HOXA9: variants seen among roughly 807,000 people sequenced by gnomAD.
The protein encoded by HOXA9 is homeobox protein Hox-A9.
A neutral mutation model predicts 19.0 loss-of-function variants in HOXA9; 18 were observed. That is an observed-to-expected ratio of 0.95 (90% CI 0.65 to 1.40). HOXA9 has a LOEUF of 1.40. Ranked by LOEUF, HOXA9 falls within the 40% of genes most tolerant of loss-of-function variation. HOXA9 has a pLI of 0.00. For missense variants in HOXA9, 443 were observed against 372.2 expected, an observed-to-expected ratio of 1.19 and a Z score of -1.57; for synonymous variants, 198 against 161.1, an observed-to-expected ratio of 1.23 and a Z score of -1.73.
chr7:27,164,849 CG>C (rs1306119890), intron 1 of HOXA9, 28 bp downstream of exon 1: 4 of 1,591,712 alleles, frequency 2.5e-6, no homozygotes, highest in Non-Finnish European at 3.4e-6. Flanking sequence ...GTGGAGGCGG[CG>C]GCGGATTTGA....
At position 27,165,336 on chromosome 7, in the gene HOXA9, T is replaced by G; in HGVS notation, c.122A>C (p.Gln41Pro). 6.3e-7 allele frequency: 1 copy of G among 1,583,592 alleles called. No homozygotes were observed. Among genetic ancestry groups the G allele is most frequent in the Non-Finnish European group, 8.6e-7 (1 of 1,166,670 alleles). Residue 41 changes from glutamine (Q) to proline (P), a missense_variant, in exon 1 of 2, where the codon CAG becomes CCG. Transcript: ENST00000343483. ...APGTLGQPPR[Q>P]AATLAEHPDF... ...GGGGTGCTCGGCCAGCGTCGCCGCC[T>G]GCCGGGGAGGCTGGCCCAGGGTCCC...
At position 27,165,467 on chromosome 7, in the gene HOXA9, C is replaced by T. The variant is rs914278933; in HGVS notation, c.-10G>A. On this transcript the variant is annotated 5_prime_UTR_variant, in exon 1 of 2. Coordinates refer to ENST00000343483, the MANE Select transcript of HOXA9 (RefSeq NM_152739.4). Reference sequence around the variant, plus strand: ...CCCCAGTGGTGGCCATCACCGTGCCCAGCGCCTGGCCCGCCCGGCCCGACC... The same window carrying T: ...CCCCAGTGGTGGCCATCACCGTGCCTAGCGCCTGGCCCGCCCGGCCCGACC... 15 of 1,579,402 alleles carry T rather than the reference C, an allele frequency of 9.5e-6. No individual in the cohort carries two copies. Among genetic ancestry groups the T allele is most frequent in the African/African-American group, 1.4e-5 (1 of 72,492 alleles).
Position 27,165,167 on chromosome 7 carries a change from G to C in HOXA9, c.291C>G (p.Pro97=), listed in dbSNP as rs750729932. 1.3e-6 allele frequency: 2 copies of C among 1,596,178 alleles called. No individual in the cohort carries two copies. The highest frequency in any genetic ancestry group is 2.2e-5 in the East Asian group (1 of 44,556). Residue 97 remains proline, a synonymous_variant, in exon 1 of 2, where the codon CCC becomes CCG. Transcript: ENST00000343483. ...TGCCGTCCGGCGCCGCCGCCGCCAC[G>C]GGCGCCTGGGGGTGCACGTAGGGGT... ...HHHPYVHPQA[P]VAAAAPDGRY...
chr7:27,163,066 C>T lies in HOXA9; in HGVS notation c.*537G>A. On this transcript the variant is annotated 3_prime_UTR_variant, in exon 2 of 2. Transcript: ENST00000343483. ...AAACAACCTGAGTTCAAATTGAATT[C>T]TATCTTCCACAATCACAATGGGTGC... 4.7e-6 allele frequency: 1 copy of T among 211,592 alleles called. No individual in the cohort carries two copies. The highest frequency in any genetic ancestry group is 9.6e-6 in the Non-Finnish European group (1 of 104,344). 13.1% of individuals were successfully genotyped at this position (211,592 alleles called of 1,614,324 possible). A position where few individuals can be genotyped will look rare whatever the true frequency, so the allele number is the denominator to read the frequency against.
intron 1 of HOXA9, 86 bp downstream of exon 1, chr7:27,164,792 G>A (rs957800089): frequency 3.9e-6 from 6 of 1,547,802 alleles, no homozygotes; most frequent in Middle Eastern, 2.2e-4. Context: ...GAGGACGAAG[G>A]CAGGCTCGAG....
In HOXA9 at chr7:27,163,508, G is replaced by T. The variant is rs1429444080; in HGVS notation, c.*95C>A. 2.0e-6 allele frequency: 2 copies of T among 983,336 alleles called. No individual in the cohort carries two copies. Among genetic ancestry groups the T allele is most frequent in the African/African-American group, 1.6e-5 (1 of 61,508 alleles). 60.9% of individuals were successfully genotyped at this position (983,336 alleles called of 1,614,324 possible). ...TTGTGCGGGGATGGTGGAGGCTAGG[G>T]TGGGGGTGAGAGAAGGGAGAAGGCG... is the stretch of plus-strand genomic sequence containing the variant. On this transcript the variant is annotated 3_prime_UTR_variant, in exon 2 of 2. Transcript: ENST00000343483.
Position 27,165,390 on chromosome 7 carries a change from T to C in HOXA9, c.68A>G (p.Asp23Gly), listed in dbSNP as rs767898055. The C allele has an allele frequency of 1.2e-6, 2 of 1,608,126 alleles. No homozygotes were observed. The highest frequency in any genetic ancestry group is 3.3e-5 in the Admixed American group (2 of 59,754). ...CGCATAGCGGCCAACGCTCAGCTCA[T>C]CCGCGGCGTCGGCGCCCAGCAGGAA... ...DSFLLGADAA[D>G]ELSVGRYAPG... is the part of the protein sequence containing the mutation. The change falls in exon 1 of 2, where the codon GAT becomes GGT. Residue 23 changes from aspartate (D) to glycine (G), a missense_variant. Asp to Gly is a moderately conservative substitution (Grantham distance 94, BLOSUM62 -1). Coordinates refer to ENST00000343483, the MANE Select transcript of HOXA9 (RefSeq NM_152739.4).
chr7:27,165,136 TG>T lies in HOXA9; in HGVS notation c.321del (p.Tyr107Ter). On this transcript the variant is annotated frameshift_variant, in exon 1 of 2. Transcript: ENST00000343483. LOFTEE classifies it high-confidence loss of function. ...PVAAAAPDGR[Y>X]MRSWLEPTPG... is the part of the protein sequence containing the mutation. Reference sequence around the variant, plus strand: ...GGCGTGGGCTCCAGCCAGGAGCGCATGTACCTGCCGTCCGGCGCCGCCGCCG... The same window carrying T: ...GGCGTGGGCTCCAGCCAGGAGCGCATTACCTGCCGTCCGGCGCCGCCGCCG... 6.2e-7 allele frequency: 1 copy of T among 1,604,036 alleles called. No homozygotes were observed. Among genetic ancestry groups the T allele is most frequent in the Non-Finnish European group, 8.5e-7 (1 of 1,174,950 alleles).
At chr7:27,164,382 G>T (rs995035440) in intron 1 of HOXA9, among the ~76,000 whole-genome samples, 2 of 152,220 alleles carry the variant, frequency 1.3e-5, no homozygotes, top group Non-Finnish European at 2.9e-5. Flanking sequence ...GGACCCTTGT[G>T]GCCCGGGTCG....
Position 27,165,371 on chromosome 7 carries a change from G to T in HOXA9, c.87C>A (p.Arg29=). The change falls in exon 1 of 2, where the codon CGC becomes CGA. Residue 29 remains arginine, a synonymous_variant. Transcript: ENST00000343483. ...GCTGGCCCAGGGTCCCCGGCGCATAGCGGCCAACGCTCAGCTCATCCGCGG... is the reference window on the plus strand; with the variant it reads ...GCTGGCCCAGGGTCCCCGGCGCATATCGGCCAACGCTCAGCTCATCCGCGG... The part of the protein sequence containing the change: ...ADAADELSVG[R]YAPGTLGQPP... The T allele has an allele frequency of 6.2e-7, 1 of 1,603,642 alleles. No individual in the cohort carries two copies.
In HOXA9 at chr7:27,162,825, A is replaced by C. The variant is rs1562503924; in HGVS notation, c.*778T>G. The C allele has an allele frequency of 5.0e-6, 1 of 200,820 alleles. No individual in the cohort carries two copies. The highest frequency in any genetic ancestry group is 1.0e-5 in the Non-Finnish European group (1 of 97,476). 12.4% of individuals were successfully genotyped at this position (200,820 alleles called of 1,614,324 possible). ...ATAGATTATATATACAATAGACAAGACAGGACTATATAGATAATGGACAGA... is the reference window on the plus strand; with the variant it reads ...ATAGATTATATATACAATAGACAAGCCAGGACTATATAGATAATGGACAGA... On this transcript the variant is annotated 3_prime_UTR_variant, in exon 2 of 2. Transcript: ENST00000343483.
Position 27,164,905 on chromosome 7 carries a change from C to G in HOXA9, c.553G>C (p.Gly185Arg). The G allele has an allele frequency of 1.2e-6, 2 of 1,614,108 alleles. No homozygotes were observed. The highest frequency in any genetic ancestry group is 1.7e-6 in the Non-Finnish European group (2 of 1,179,984). ...FSENNAENESGGDKPPIDPNN... is the reference protein window; with the variant it reads ...FSENNAENESRGDKPPIDPNN... ...GGATCGATGGGGGGCTTGTCTCCGC[C>G]GCTCTCATTCTCAGCATTGTTTTCA... Residue 185 changes from glycine to arginine, a missense_variant, in exon 1 of 2, where the codon GGC (glycine) becomes CGC (arginine). Transcript: ENST00000343483.
At position 27,165,351 on chromosome 7, in the gene HOXA9, C is replaced by G. The variant is rs747732627; in HGVS notation, c.107G>C (p.Gly36Ala). ...CGTCGCCGCCTGCCGGGGAGGCTGG[C>G]CCAGGGTCCCCGGCGCATAGCGGCC... is the stretch of plus-strand genomic sequence containing the variant. The part of the protein sequence containing the change: ...SVGRYAPGTL[G>A]QPPRQAATLA... Residue 36 changes from glycine (G) to alanine (A), a missense_variant, in exon 1 of 2, where the codon GGC becomes GCC. By Grantham distance (60) the Gly-to-Ala change is moderately conservative (BLOSUM62 0). Transcript: ENST00000343483. 40 of 1,591,508 alleles carry G rather than the reference C, an allele frequency of 2.5e-5. No homozygotes were observed. In the East Asian group the frequency reaches 9.0e-4, roughly 36 times the overall value.
chr7:27,164,739 C>A (rs924154371), intron 1 of HOXA9, 139 bp downstream of exon 1: 32 of 1,374,690 alleles, frequency 2.3e-5, no homozygotes, highest in Non-Finnish European at 3.1e-5. Flanking sequence ...GCGTCCCAAA[C>A]ACCAACTTCT....
chr7:27,163,354 C>T lies in HOXA9; in HGVS notation c.*249G>A, dbSNP rs554957950. The T allele has an allele frequency of 6.1e-6, 3 of 489,770 alleles. No individual in the cohort carries two copies. Among genetic ancestry groups the T allele is most frequent in the South Asian group, 6.2e-5 (2 of 32,274 alleles). The allele number at this position is 489,770 out of a possible 1,614,324, so 30.3% of individuals were successfully genotyped here. A position where few individuals can be genotyped will look rare whatever the true frequency, so the allele number is the denominator to read the frequency against. On this transcript the variant is annotated 3_prime_UTR_variant, in exon 2 of 2. Transcript: ENST00000343483. ...CAGCTATCAGCACTAATGCCCCCCC[C>T]TCAACTTTTCCTTTTTCTTATAGAA... is the stretch of plus-strand genomic sequence containing the variant.
At position 27,163,716 on chromosome 7, in the gene HOXA9, T is replaced by G. The variant is rs748176047; in HGVS notation, c.706A>C (p.Arg236=). The G allele has an allele frequency of 3.0e-5, 48 of 1,614,112 alleles. No homozygotes were observed. Among genetic ancestry groups the G allele is most frequent in the Non-Finnish European group, 4.1e-5 (48 of 1,179,958 alleles). The change falls in exon 2 of 2, where the codon AGG becomes CGG. Residue 236 remains arginine (R), a synonymous_variant. Coordinates refer to ENST00000343483, the MANE Select transcript of HOXA9 (RefSeq NM_152739.4). ...TTGAGCAGTCGAGCCACCTCGTACC[T>G]GCGGTCCCTGGTGAGGTACATGTTG... ...LFNMYLTRDR[R]YEVARLLNLT...
chr7:27,164,395 C>A (rs1027315987), intron 1 of HOXA9, among the ~76,000 whole-genome samples: 1 of 152,226 alleles, frequency 6.6e-6, no homozygotes, highest in Non-Finnish European at 1.5e-5. Flanking sequence ...CCGGGTCGCC[C>A]GCAGCCTCAT....
At position 27,165,324 on chromosome 7, in the gene HOXA9, A is replaced by T. The variant is rs755980926; in HGVS notation, c.134T>A (p.Leu45Gln). The change falls in exon 1 of 2, where the codon CTG becomes CAG. Residue 45 changes from leucine (L) to glutamine (Q), a missense_variant. Physicochemically the swap from Leu to Gln is moderately radical, Grantham distance 113 (BLOSUM62 -2). Coordinates refer to ENST00000343483, the MANE Select transcript of HOXA9 (RefSeq NM_152739.4). ...CGGGCTGAAGTCGGGGTGCTCGGCC[A>T]GCGTCGCCGCCTGCCGGGGAGGCTG... ...LGQPPRQAAT[L>Q]AEHPDFSPCS... The T allele has an allele frequency of 3.2e-6, 5 of 1,577,100 alleles. No homozygotes were observed. The highest frequency in any genetic ancestry group is 4.3e-6 in the Non-Finnish European group (5 of 1,163,294).
At position 27,163,155 on chromosome 7, in the gene HOXA9, A is replaced by C. The variant is rs1217693447; in HGVS notation, c.*448T>G. 1.3e-5 allele frequency: 3 copies of C among 227,632 alleles called. No homozygotes were observed. The highest frequency in any genetic ancestry group is 5.5e-5 in the Admixed American group (1 of 18,222). The allele number at this position is 227,632 out of a possible 1,614,324, so 14.1% of individuals were successfully genotyped here. On this transcript the variant is annotated 3_prime_UTR_variant, in exon 2 of 2. Transcript: ENST00000343483. ...TTACCACAATAAAACACAGTGTTCA[A>C]GTATCTTGGCAGAGCAATCTGCCGC... is the stretch of plus-strand genomic sequence containing the variant.
Sources: gnomAD v4.1 joint callset for allele counts (sites outside exome capture counted in the v4.1 genomes callset) on GRCh38, gnomAD v4.1.1 for gene constraint, MANE v1.5 for transcripts, NCBI Gene and HGNC (gene_info 2026-07-23, HGNC 2026-07-21) for gene names.